NT5C1B: variants seen among roughly 807,000 people sequenced by gnomAD.
NT5C1B encodes cytosolic 5'-nucleotidase 1B.
NT5C1B carries 44 observed loss-of-function variants against 57.8 expected under a neutral mutation model. That is an observed-to-expected ratio of 0.76 (90% CI 0.60 to 0.98). The LOEUF is 0.98. NT5C1B is among the 50% of genes least tolerant of loss of function. The pLI is 0.00. For synonymous variants in NT5C1B, 284 were observed against 282.6 expected, an observed-to-expected ratio of 1.00 and a Z score of -0.05; for missense variants, 742 against 719.5, an observed-to-expected ratio of 1.03 and a Z score of -0.36.
chr2:18,586,426 C>T (rs1488098790), intron 2 of NT5C1B, 35 bp from the exon 3 acceptor site: 2 of 1,610,550 alleles, frequency 1.2e-6, no homozygotes, highest in Non-Finnish European at 1.7e-6. Flanking sequence ...CGGTGTAAAA[C>T]CCCATCACCA....
exon 8 of NT5C1B, chr2:18,576,282 C>T: frequency 1.2e-6 from 2 of 1,613,858 alleles, no homozygotes; most frequent in Non-Finnish European, 1.7e-6. Flanking sequence ...GAGAAGAGGA[C>T]AGCATCCCCA....
chr2:18,575,221 T>C (rs1665570936), intron 8 of NT5C1B, among the ~76,000 whole-genome samples: 1 of 152,066 alleles, frequency 6.6e-6, no homozygotes, highest in African/African-American at 2.4e-5. Flanking sequence ...ACAAAGAATT[T>C]TCTTAATAGT....
At chr2:18,587,639 A>C in intron 1 of NT5C1B, 47 bp from the exon 2 acceptor site, 1 of 1,575,828 alleles carries the variant, frequency 6.3e-7, no homozygotes, top group Non-Finnish European at 8.6e-7. Flanking sequence ...ATCTCAGGGC[A>C]TTAGGAACTT....
In NT5C1B at chr2:18,586,471, G is replaced by A. The variant is rs974155901; in HGVS notation, c.121-80C>T. The A allele has an allele frequency of 1.2e-5, 19 of 1,573,212 alleles. No individual in the cohort carries two copies. The African/African-American group carries it at 1.9e-4, about 16-fold the overall frequency. ...ATACGTGTGCCTGCAGAATAGTCAT[G>A]TCAGGCTGAATATAGCAGCACCCAG... On this transcript the variant is annotated intron_variant, in intron 2 of 8. Coordinates refer to ENST00000304081, the Ensembl canonical transcript of NT5C1B.
intron 2 of NT5C1B, chr2:18,586,731 G>A: frequency 3.3e-6 from 2 of 614,012 alleles, no homozygotes; most frequent in Non-Finnish European, 5.5e-6. Context: ...GGATAAGCCT[G>A]TTAACAGATG....
rs544523828 is a variant in NT5C1B, at chr2:18,574,748, G to A, written c.1329+1436C>T. 9.2e-4 allele frequency among the ~76,000 whole-genome samples: 140 copies of A among 152,130 alleles called. 1 individual carries two copies. The highest frequency in any genetic ancestry group is 1.9e-3 in the Non-Finnish European group (126 of 67,928). On this transcript the variant is annotated intron_variant, in intron 8 of 8. Transcript: ENST00000304081. ...CTAGAGATCTGCTGTACAATGTAGC[G>A]CCTATAGTTAACAATATGGTATTGT...
At chr2:18,564,489 C>T (rs1664460184) in intron 8 of NT5C1B, among the ~76,000 whole-genome samples, 1 of 152,170 alleles carries the variant, frequency 6.6e-6, no homozygotes, top group South Asian at 2.1e-4. Context: ...TACCAAAGCA[C>T]TACTCTTTTA....
chr2:18,583,121 G>T, intron 5 of NT5C1B, 124 bp from the exon 6 acceptor site: 1 of 1,297,790 alleles, frequency 7.7e-7, no homozygotes, highest in Admixed American at 2.9e-5. Context: ...GAGAGATTCT[G>T]GCTCCTTTAA....
At chr2:18,564,816 CTG>C (rs1249820201) in intron 8 of NT5C1B, among the ~76,000 whole-genome samples, 1 of 152,092 alleles carries the variant, frequency 6.6e-6, no homozygotes, top group Admixed American at 6.5e-5. Flanking sequence ...GTTCAATAAT[CTG>C]TGTCTTTCTT....
intron 6 of NT5C1B, among the ~76,000 whole-genome samples, chr2:18,580,465 A>G (rs1279015361): frequency 1.3e-5 from 2 of 152,046 alleles, no homozygotes; most frequent in African/African-American, 2.4e-5. Context: ...AAAATACAAA[A>G]TTAGTCGGGC....
intron 1 of NT5C1B, 101 bp downstream of exon 1, chr2:18,589,338 A>G: frequency 2.6e-6 from 4 of 1,513,834 alleles, no homozygotes; most frequent in Non-Finnish European, 1.8e-6. Flanking sequence ...ATTATCTGAA[A>G]TTATTTGATC....
chr2:18,569,033 C>T (rs1320245904), intron 8 of NT5C1B, among the ~76,000 whole-genome samples: 3 of 152,078 alleles, frequency 2.0e-5, no homozygotes, highest in Non-Finnish European at 2.9e-5. Context: ...TTGAGGTTCA[C>T]AGTAGCAAAG....
intron 8 of NT5C1B, among the ~76,000 whole-genome samples, chr2:18,574,390 T>C (rs1396690887): frequency 1.3e-5 from 2 of 152,126 alleles, no homozygotes. Context: ...AAATGTCAAA[T>C]GGTATAGCCA....
At chr2:18,581,318 A>G (rs1165559679) in intron 6 of NT5C1B, among the ~76,000 whole-genome samples, 1 of 152,172 alleles carries the variant, frequency 6.6e-6, no homozygotes, top group Non-Finnish European at 1.5e-5. Flanking sequence ...TGAAATTCTG[A>G]TAACGATTTC....
rs199635989 is a variant in NT5C1B, at chr2:18,577,373, G to T, written c.1022-478C>A. ...AAAGGTCTATTAAGATGTGGCTCTC[G>T]AGATCGCGCCACTGCACTCCAGCCT... On this transcript the variant is annotated intron_variant, in intron 6 of 8. Transcript: ENST00000304081. Among the ~76,000 whole-genome samples the T allele has an allele frequency of 2.1e-5, 3 of 140,112 alleles. No individual in the cohort carries two copies. The East Asian group carries it at 6.5e-4, about 30-fold the overall frequency. 91.9% of individuals were successfully genotyped at this position (140,112 alleles called of 152,430 possible).
rs1666759895 is a variant in NT5C1B, at chr2:18,586,888, AC to A, written c.121-498del. On this transcript the variant is annotated intron_variant, in intron 2 of 8. Coordinates refer to ENST00000304081, the Ensembl canonical transcript of NT5C1B. ...CTTTTAGGAGAAACAAGAATGAAGG[AC>A]CCCCCGGAACAGCAAAGTAAAAGAG... 2.3e-5 allele frequency: 36 copies of A among 1,538,410 alleles called. 1 individual carries two copies. The South Asian group carries it at 3.7e-4, about 16-fold the overall frequency.
intron 1 of NT5C1B, 77 bp from the exon 2 acceptor site, chr2:18,587,669 A>G (rs1666843905): frequency 4.0e-6 from 6 of 1,505,384 alleles, no homozygotes; most frequent in South Asian, 1.3e-5. Flanking sequence ...GAATAAAAGG[A>G]TAAAGAAAAC....
Position 18,586,251 on chromosome 2 carries a change from T to C in NT5C1B, c.258+3A>G. The C allele has an allele frequency of 6.2e-7, 1 of 1,613,218 alleles. No homozygotes were observed. Among genetic ancestry groups the C allele is most frequent in the Non-Finnish European group, 8.5e-7 (1 of 1,179,660 alleles). ...TACTACTCCCTTTCATCTTTACCTC[T>C]ACCTTAGCACTGGTGTTCCTGCTTC... On this transcript the variant is annotated splice_donor_region_variant and intron_variant, in intron 3 of 8. Coordinates refer to ENST00000304081, the Ensembl canonical transcript of NT5C1B.
At chr2:18,576,636 A>C in intron 7 of NT5C1B, 137 bp downstream of exon 7, 3 of 1,413,016 alleles carry the variant, frequency 2.1e-6, no homozygotes, top group Non-Finnish European at 2.9e-6. Context: ...GACAGACTTA[A>C]GTGTTGCCCC....
Sources: allele counts gnomAD v4.1 joint callset (sites outside exome capture counted in the v4.1 genomes callset), GRCh38; gene constraint gnomAD v4.1.1; transcripts MANE v1.5; gene names NCBI Gene and HGNC (gene_info 2026-07-23, HGNC 2026-07-21).